Variants in ERAP1 observed in about 807,000 individuals in gnomAD.
ERAP1 encodes endoplasmic reticulum aminopeptidase 1.
ERAP1 carries 86 observed loss-of-function variants against 103.7 expected under a neutral mutation model. The ratio of observed to expected loss-of-function variants is 0.83; its 90% confidence interval spans 0.70 to 0.99. ERAP1 has a LOEUF of 0.99. ERAP1 is among the 50% of genes least tolerant of loss of function. The pLI is 0.00. For missense variants in ERAP1, 1,009 were observed against 1,128.4 expected (o/e 0.89, Z 1.52); for synonymous variants, 398 against 402.4 (o/e 0.99, Z 0.13).
chr5:96,816,612 C>A, the ERAP1 span, among the ~76,000 whole-genome samples: 1 of 152,140 alleles, frequency 6.6e-6, no homozygotes, highest in Admixed American at 6.5e-5. Flanking sequence ...AGGCACCTCC[C>A]ACCATGGGTT....
At chr5:96,870,556 C>T in the ERAP1 span, among the ~76,000 whole-genome samples, 1 of 152,186 alleles carries the variant, frequency 6.6e-6, no homozygotes, top group South Asian at 2.1e-4. Flanking sequence ...CCTATAACAT[C>T]CCATAATGAC....
chr5:96,880,076 A>C, the ERAP1 span: 1 of 1,614,190 alleles, frequency 6.2e-7, no homozygotes, highest in Non-Finnish European at 8.5e-7. Context: ...TTCAAGATAC[A>C]TGAAACCAGG....
At chr5:96,870,338 A>C in the ERAP1 span, among the ~76,000 whole-genome samples, 1 of 152,240 alleles carries the variant, frequency 6.6e-6, no homozygotes, top group Non-Finnish European at 1.5e-5. Context: ...GTCTGAACAC[A>C]GGCAAACATG....
At chr5:96,925,161 A>G in the ERAP1 span, among the ~76,000 whole-genome samples, 1 of 152,240 alleles carries the variant, frequency 6.6e-6, no homozygotes, top group Non-Finnish European at 1.5e-5. Flanking sequence ...TTTGCAAGTG[A>G]TCTACATGGT....
chr5:96,909,063 G>GT, the ERAP1 span: 1 of 1,614,114 alleles, frequency 6.2e-7, no homozygotes, highest in South Asian at 1.1e-5. Context: ...ACTTGGAATC[G>GT]TTTTACCACA....
At chr5:96,830,036 AT>A in the ERAP1 span, among the ~76,000 whole-genome samples, 11 of 152,342 alleles carry the variant, frequency 7.2e-5, no homozygotes, top group African/African-American at 2.6e-4. Flanking sequence ...ATCTTGAAGA[AT>A]GATGTTCAGG....
chr5:96,920,865 C>G, the ERAP1 span, among the ~76,000 whole-genome samples: 34 of 152,186 alleles, frequency 2.2e-4, no homozygotes, highest in African/African-American at 6.3e-4. Flanking sequence ...TTTACTAGGT[C>G]GAAGCATATG....
upstream of ERAP1, among the ~76,000 whole-genome samples, chr5:96,808,908 T>G (rs1445042241): frequency 1.3e-5 from 2 of 151,816 alleles, no homozygotes; most frequent in East Asian, 1.9e-4. Flanking sequence ...GTCCATGGAG[T>G]AAAGTGAAAG....
At chr5:96,918,531 A>C in the ERAP1 span, 2 of 152,164 alleles carry the variant, frequency 1.3e-5, no homozygotes, top group Admixed American at 1.3e-4. Flanking sequence ...GAGCATTCCA[A>C]ATGAATGGTC....
rs573655676 is a variant in ERAP1 at position 96,790,316 on chromosome 5, G to A, written c.1504C>T (p.Gln502Ter). 4 of 1,614,064 alleles carry A rather than the reference G, an allele frequency of 2.5e-6. No individual in the cohort carries two copies. In the South Asian group the frequency reaches 3.3e-5, roughly 13 times the overall value. ...KGMDGFCSRS[Q>*]HSSSSSHWHQ... The stretch of plus-strand genomic sequence containing the variant: ...CTTACTGAGGATGAAGATGAATGTT[G>A]ACTTCTAGAGCAAAAGCCATCCATC... Residue 502 changes from glutamine to a stop codon, truncating the protein, a stop_gained, in exon 10 of 19, where the codon CAA (glutamine) becomes TAA (stop). Transcript: ENST00000443439. LOFTEE classifies it high-confidence loss of function.
At chr5:96,906,778 TC>T in the ERAP1 span, among the ~76,000 whole-genome samples, 1 of 152,176 alleles carries the variant, frequency 6.6e-6, no homozygotes, top group Non-Finnish European at 1.5e-5. Context: ...ACGCCTGTAA[TC>T]CCAGTACTTC....
chr5:96,809,435 T>C (rs1445791196), upstream of ERAP1, among the ~76,000 whole-genome samples: 2 of 152,188 alleles, frequency 1.3e-5, no homozygotes, highest in Admixed American at 1.3e-4. Flanking sequence ...GACTTTCTTC[T>C]CCCACTTCTT....
At chr5:96,885,702 G>A in the ERAP1 span, among the ~76,000 whole-genome samples, 1 of 152,232 alleles carries the variant, frequency 6.6e-6, no homozygotes, top group Non-Finnish European at 1.5e-5. Context: ...CAGGGATAGA[G>A]GTGGGGAAGA....
chr5:96,762,167 A>G, exon 20 of ERAP1: 1 of 555,186 alleles, frequency 1.8e-6, no homozygotes, highest in Non-Finnish European at 3.1e-6. Flanking sequence ...TTTGGTCAAG[A>G]GAATAAACAG....
the ERAP1 span, among the ~76,000 whole-genome samples, chr5:96,859,863 T>C: frequency 1.3e-5 from 2 of 152,104 alleles, no homozygotes; most frequent in Non-Finnish European, 2.9e-5. Context: ...GCAGGCTATG[T>C]TAATGTTTGA....
At position 96,782,014 on chromosome 5, in the gene ERAP1, T is replaced by G. The variant is rs904380546; in HGVS notation, c.2286-160A>C. Among the ~76,000 whole-genome samples, 3 of 151,144 alleles carry G rather than the reference T, an allele frequency of 2.0e-5. No homozygotes were observed. In the South Asian group the frequency reaches 6.3e-4, roughly 32 times the overall value. On this transcript the variant is annotated intron_variant, in intron 15 of 18. Transcript: ENST00000443439. ...CTGATTTCCTTCAGTTACAATTTTTTTTTTTTTTTTTTTTAGGACGGAGTC... is the reference window on the plus strand; with the variant it reads ...CTGATTTCCTTCAGTTACAATTTTTGTTTTTTTTTTTTTTAGGACGGAGTC...
intron 19 of ERAP1, among the ~76,000 whole-genome samples, chr5:96,765,801 TA>T (rs1156902655): frequency 1.4e-5 from 2 of 143,518 alleles, no homozygotes; most frequent in Non-Finnish European, 3.2e-5. Flanking sequence ...TTTAATCATT[TA>T]TTTCCATTTA....
At chr5:96,808,237 TG>T (rs1561300202), upstream of ERAP1, 6 of 666,838 alleles carry the variant, frequency 9.0e-6, no homozygotes, top group Admixed American at 7.4e-5. Flanking sequence ...TGTGTGTGTG[TG>T]TGTGTGTGTG....
intron 4 of ERAP1, 73 bp downstream of exon 4, chr5:96,797,102 A>C (rs774582509): frequency 1.7e-4 from 266 of 1,592,748 alleles, no homozygotes; most frequent in Non-Finnish European, 2.2e-4. Flanking sequence ...GCTCAGGCAG[A>C]CTTCCAGTTT....
Sources: gnomAD v4.1 joint callset for allele counts (sites outside exome capture counted in the v4.1 genomes callset) on GRCh38, gnomAD v4.1.1 for gene constraint, MANE v1.5 for transcripts, NCBI Gene and HGNC (gene_info 2026-07-23, HGNC 2026-07-21) for gene names.